ZC3H12B: variants seen among roughly 807,000 people sequenced by gnomAD.
The protein encoded by ZC3H12B is probable ribonuclease ZC3H12B.
In ZC3H12B, 7 loss-of-function variants were observed where a neutral mutation model predicts 43.9. The observed-to-expected ratio is 0.16, with a 90% CI of 0.09 to 0.30. ZC3H12B has a LOEUF of 0.30. ZC3H12B is among the 10% of genes least tolerant of loss of function. The pLI is 1.00. For missense variants in ZC3H12B, 475 were observed against 670.2 expected (o/e 0.71, Z 3.22); for synonymous variants, 222 against 241.7 (o/e 0.92, Z 0.76).
At chrX:65,052,543 G>A in the ZC3H12B span, among the ~76,000 whole-genome samples, 1 of 110,562 alleles carries the variant, frequency 9.0e-6, no homozygotes, top group Non-Finnish European at 1.9e-5. Context: ...TTGTCTTTCT[G>A]TGCCTGGCTT....
At chrX:65,296,277 G>C in the ZC3H12B span, among the ~76,000 whole-genome samples, 1 of 111,256 alleles carries the variant, frequency 9.0e-6, no homozygotes, top group African/African-American at 3.3e-5. Flanking sequence ...GATATCTTAT[G>C]TTCTCACGCA....
At chrX:65,134,328 G>A in the ZC3H12B span, among the ~76,000 whole-genome samples, 13 of 111,129 alleles carry the variant, frequency 1.2e-4, no homozygotes, top group African/African-American at 4.3e-4. Context: ...AGACACCAAT[G>A]GAGTGTGGGT....
At chrX:65,246,713 T>C in the ZC3H12B span, among the ~76,000 whole-genome samples, 2 of 112,173 alleles carry the variant, frequency 1.8e-5, no homozygotes, top group Non-Finnish European at 3.8e-5. Context: ...ATGCAGAAGA[T>C]TGAAACTGAA....
chrX:65,212,421 A>G, the ZC3H12B span, among the ~76,000 whole-genome samples: 1 of 59,388 alleles, frequency 1.7e-5, no homozygotes, highest in African/African-American at 8.0e-5. Flanking sequence ...TTATATATGT[A>G]ATATAATTAT....
the ZC3H12B span, among the ~76,000 whole-genome samples, chrX:65,068,181 T>C: frequency 1.9e-3 from 207 of 109,030 alleles, 2 homozygotes; most frequent in African/African-American, 6.5e-3. Flanking sequence ...TTTTCTTTTT[T>C]ATTCATTCAG....
At chrX:65,082,728 G>T in the ZC3H12B span, among the ~76,000 whole-genome samples, 310 of 111,097 alleles carry the variant, frequency 2.8e-3, no homozygotes, top group Admixed American at 4.7e-3. Flanking sequence ...CCAAAAATTA[G>T]AGGAAGTAGG....
At chrX:65,365,438 A>T (rs1201518838), upstream of ZC3H12B, among the ~76,000 whole-genome samples, 1 of 111,073 alleles carries the variant, frequency 9.0e-6, no homozygotes, top group African/African-American at 3.3e-5. Context: ...AGTCTATACA[A>T]CAAATGCTAC....
the ZC3H12B span, among the ~76,000 whole-genome samples, chrX:65,228,333 A>G: frequency 8.9e-6 from 1 of 111,820 alleles, no homozygotes; most frequent in Non-Finnish European, 1.9e-5. Context: ...AAATTCAACA[A>G]CACTTCATAC....
At chrX:65,440,350 C>T (rs1219292946) in intron 3 of ZC3H12B, among the ~76,000 whole-genome samples, 1 of 112,251 alleles carries the variant, frequency 8.9e-6, no homozygotes, top group African/African-American at 3.2e-5. Context: ...TGTATGAAAT[C>T]GTAACTGAGC....
At chrX:65,190,179 C>T in the ZC3H12B span, among the ~76,000 whole-genome samples, 9 of 110,434 alleles carry the variant, frequency 8.1e-5, no homozygotes, top group African/African-American at 3.0e-4. Context: ...GTACCAGTAC[C>T]ATGCTGTTTT....
At chrX:65,344,037 C>T in the ZC3H12B span, among the ~76,000 whole-genome samples, 5 of 111,869 alleles carry the variant, frequency 4.5e-5, no homozygotes, top group Non-Finnish European at 9.4e-5. Flanking sequence ...ACACCAATGA[C>T]GGTCAAGCCA....
chrX:65,505,074 A>G (rs2068412294), exon 5 of ZC3H12B: 1 of 112,260 alleles, frequency 8.9e-6, no homozygotes, highest in Non-Finnish European at 1.9e-5. Flanking sequence ...AAATGCCTCT[A>G]GAAGAGGTGT....
the ZC3H12B span, among the ~76,000 whole-genome samples, chrX:65,122,425 A>G: frequency 0.02 from 2,237 of 111,364 alleles, 62 homozygotes; most frequent in African/African-American, 0.071. Flanking sequence ...AGCCACTGCA[A>G]AAACATGCCA....
At chrX:65,091,888 T>A in the ZC3H12B span, among the ~76,000 whole-genome samples, 4 of 112,385 alleles carry the variant, frequency 3.6e-5, no homozygotes, top group East Asian at 1.1e-3. Flanking sequence ...CAGGGTGATA[T>A]GGTTTGGATC....
chrX:65,336,204 C>T, the ZC3H12B span, among the ~76,000 whole-genome samples: 2 of 112,516 alleles, frequency 1.8e-5, no homozygotes, highest in Non-Finnish European at 3.8e-5. Flanking sequence ...TTTTATCATT[C>T]CTTTAACCAG....
At chrX:65,225,468 C>A in the ZC3H12B span, among the ~76,000 whole-genome samples, 1 of 112,484 alleles carries the variant, frequency 8.9e-6, no homozygotes, top group Non-Finnish European at 1.9e-5. Context: ...AGCAGAGCGT[C>A]TCTCCTCCTC....
chrX:65,468,485 CTTTT>C (rs756168806), intron 3 of ZC3H12B, among the ~76,000 whole-genome samples: 1 of 88,064 alleles, frequency 1.1e-5, no homozygotes, highest in African/African-American at 4.9e-5. Flanking sequence ...TTCTTTCTTT[CTTTT>C]TTTTTTTTTT....
chrX:65,313,165 G>A, the ZC3H12B span, among the ~76,000 whole-genome samples: 1 of 111,973 alleles, frequency 8.9e-6, no homozygotes, highest in Non-Finnish European at 1.9e-5. Flanking sequence ...ACAGGCATGA[G>A]CCACCATGCC....
At chrX:65,349,021 T>C in the ZC3H12B span, among the ~76,000 whole-genome samples, 1 of 111,866 alleles carries the variant, frequency 8.9e-6, no homozygotes, top group African/African-American at 3.2e-5. Flanking sequence ...CAAGTGGACC[T>C]AATATACATC....
Sources: gnomAD v4.1 joint callset for allele counts (sites outside exome capture counted in the v4.1 genomes callset) on GRCh38, gnomAD v4.1.1 for gene constraint, MANE v1.5 for transcripts, NCBI Gene and HGNC (gene_info 2026-07-23, HGNC 2026-07-21) for gene names.